The following LARGE1 variants were observed in gnomAD, a reference collection of about 807,000 sequenced individuals.
LARGE1 encodes LARGE xylosyl- and glucuronyltransferase 1, also known as xylosyl- and glucuronyltransferase LARGE1.
In LARGE1, 43 loss-of-function variants were observed where a neutral mutation model predicts 87.6. The ratio of observed to expected loss-of-function variants is 0.49; its 90% confidence interval spans 0.38 to 0.63. The LOEUF (loss-of-function observed/expected upper bound fraction) is 0.63, where lower values mean the gene tolerates loss of function less well. Ranked by LOEUF, LARGE1 falls within the 30% of genes least tolerant of loss-of-function variation. The pLI, the probability that LARGE1 is intolerant of heterozygous loss-of-function variation, is 0.00. For synonymous variants in LARGE1, 434 were observed against 394.6 expected (o/e 1.10, Z -1.18); for missense variants, 802 against 1,000.2 (o/e 0.80, Z 2.67).
At chr22:33,491,581 G>C (rs1450285555) in intron 6 of LARGE1, among the ~76,000 whole-genome samples, 1 of 152,156 alleles carries the variant, frequency 6.6e-6, no homozygotes, top group Non-Finnish European at 1.5e-5. Flanking sequence ...TTAAAATGTT[G>C]GTTGCCTGGA....
At chr22:33,849,498 A>G (rs57204560) in intron 1 of LARGE1, among the ~76,000 whole-genome samples, 1,988 of 152,190 alleles carry the variant, frequency 0.013, 50 homozygotes, top group African/African-American at 0.046. Context: ...TACATTATTA[A>G]CAGGCAGTAC....
rs1928663642 is a variant in LARGE1, at chr22:33,274,055, C to T, written c.*372G>A. The T allele has an allele frequency of 2.5e-6, 1 of 405,498 alleles. No homozygotes were observed. Among genetic ancestry groups the T allele is most frequent in the Non-Finnish European group, 4.5e-6 (1 of 222,908 alleles). The allele number at this position is 405,498 out of a possible 1,614,324, so 25.1% of individuals were successfully genotyped here. On this transcript the variant is annotated 3_prime_UTR_variant, in exon 15 of 15. Transcript: ENST00000397394. ...CCTAGAACCCTGACTTCCCTTTCTC[C>T]CCAGTTATGATGGGAAGCATAATTA...
intron 11 of LARGE1, among the ~76,000 whole-genome samples, chr22:33,250,120 T>C (rs1926945828): frequency 6.6e-6 from 1 of 152,196 alleles, no homozygotes; most frequent in Non-Finnish European, 1.5e-5. Context: ...ACAGATAAAG[T>C]TAGGAAGGTC....
rs551031511 is a variant in LARGE1, at chr22:33,603,057, G to C, written c.615+1378C>G. ...CTAAATTTTGTTTTTCCCTTTTTAAGAGTGTTAATCAATTTTAGGCTCAGA... is the reference window on the plus strand; with the variant it reads ...CTAAATTTTGTTTTTCCCTTTTTAACAGTGTTAATCAATTTTAGGCTCAGA... On this transcript the variant is annotated intron_variant, in intron 5 of 14. Transcript: ENST00000397394. 7.3e-5 allele frequency among the ~76,000 whole-genome samples: 4 copies of C among 54,878 alleles called. No homozygotes were observed. In the South Asian group the frequency reaches 2.7e-3, roughly 38 times the overall value. 36.0% of individuals were successfully genotyped at this position (54,878 alleles called of 152,430 possible). A position where few individuals can be genotyped will look rare whatever the true frequency, so the allele number is the denominator to read the frequency against.
At chr22:33,590,554 G>T (rs553846174) in intron 5 of LARGE1, among the ~76,000 whole-genome samples, 5 of 152,296 alleles carry the variant, frequency 3.3e-5, no homozygotes, top group African/African-American at 1.2e-4. Context: ...GGTGTCCCTT[G>T]CTAGGCAGTC....
At chr22:33,645,351 C>T (rs1446603776) in intron 3 of LARGE1, among the ~76,000 whole-genome samples, 1 of 152,176 alleles carries the variant, frequency 6.6e-6, no homozygotes, top group East Asian at 1.9e-4. Context: ...GAAAGGATTT[C>T]CTATTTAATA....
At chr22:33,171,261 T>A (rs748326434) in intron 11 of LARGE1, among the ~76,000 whole-genome samples, 1 of 152,174 alleles carries the variant, frequency 6.6e-6, no homozygotes, top group Non-Finnish European at 1.5e-5. Flanking sequence ...TTGGAACTTA[T>A]GTTTAAAAGG....
intron 12 of LARGE1, among the ~76,000 whole-genome samples, chr22:33,298,565 G>A (rs1023837905): frequency 1.1e-4 from 17 of 152,220 alleles, no homozygotes; most frequent in Non-Finnish European, 2.4e-4. Context: ...GCTCACGCCT[G>A]TAATCCTAGG....
At chr22:33,102,486 C>T in the LARGE1 span, among the ~76,000 whole-genome samples, 3 of 149,154 alleles carry the variant, frequency 2.0e-5, no homozygotes, top group African/African-American at 7.4e-5. Flanking sequence ...TTCCTTCCTT[C>T]CTTCCTTTTT....
At chr22:33,880,859 A>G (rs1006555455) in intron 1 of LARGE1, among the ~76,000 whole-genome samples, 1 of 152,218 alleles carries the variant, frequency 6.6e-6, no homozygotes, top group Non-Finnish European at 1.5e-5. Flanking sequence ...GTGGACAGCC[A>G]ACCCAGCAGC....
intron 2 of LARGE1, among the ~76,000 whole-genome samples, chr22:33,699,849 T>C (rs2082355164): frequency 6.6e-6 from 1 of 152,188 alleles, no homozygotes; most frequent in African/African-American, 2.4e-5. Flanking sequence ...GGTGAATTTG[T>C]TTGGAAAAAA....
the LARGE1 span, among the ~76,000 whole-genome samples, chr22:33,149,530 T>C: frequency 6.6e-6 from 1 of 152,218 alleles, no homozygotes; most frequent in Non-Finnish European, 1.5e-5. Context: ...TAGATGTGTG[T>C]TTGTTTCCTA....
chr22:33,753,834 C>T (rs918905306), intron 2 of LARGE1, among the ~76,000 whole-genome samples: 6 of 152,012 alleles, frequency 3.9e-5, no homozygotes, highest in Middle Eastern at 3.2e-3. Context: ...CCAAGGTGGG[C>T]GGGTCACCTG....
chr22:33,210,262 T>C (rs1383869894), intron 11 of LARGE1, among the ~76,000 whole-genome samples: 2 of 152,246 alleles, frequency 1.3e-5, no homozygotes, highest in Admixed American at 6.5e-5. Flanking sequence ...CGTGTATCCT[T>C]GTCCTCTTTG....
intron 2 of LARGE1, among the ~76,000 whole-genome samples, chr22:33,719,758 A>C (rs983824180): frequency 1.3e-5 from 2 of 151,948 alleles, no homozygotes; most frequent in African/African-American, 4.8e-5. Flanking sequence ...CTGACCTCAT[A>C]ATCTGCCCGC....
chr22:33,606,062 G>C (rs997350296), intron 4 of LARGE1, among the ~76,000 whole-genome samples: 1 of 152,150 alleles, frequency 6.6e-6, no homozygotes, highest in African/African-American at 2.4e-5. Context: ...GCTTAGTAGG[G>C]CTCCAGGGTT....
intron 1 of LARGE1, among the ~76,000 whole-genome samples, chr22:33,913,084 G>A (rs1041718068): frequency 2.0e-5 from 3 of 151,552 alleles, no homozygotes; most frequent in East Asian, 1.9e-4. Flanking sequence ...CCCCCACCTC[G>A]GCCTCCCAAA....
Position 33,642,710 on chromosome 22 carries a change from C to CAAAAAA in LARGE1, c.408+7651_408+7656dup, listed in dbSNP as rs60815644. Among the ~76,000 whole-genome samples the CAAAAAA allele has an allele frequency of 6.9e-3, 120 of 17,346 alleles. 30 individuals are homozygous for CAAAAAA. Among genetic ancestry groups the CAAAAAA allele is most frequent in the African/African-American group, 0.028 (106 of 3,806 alleles). The allele number at this position is 17,346 out of a possible 152,430, so 11.4% of individuals were successfully genotyped here. On this transcript the variant is annotated intron_variant, in intron 3 of 14. Transcript: ENST00000397394. ...GAATATTTACCAAGCAAATGGAAAG[C>CAAAAAA]AAAAAAAAAAAAAAAAAAAAAAAAA...
rs559675510 is a variant in LARGE1, at chr22:33,751,772, CT to C, written c.106+9598del. Among the ~76,000 whole-genome samples the C allele has an allele frequency of 6.9e-3, 992 of 143,622 alleles. 8 individuals are homozygous for C. Among genetic ancestry groups the C allele is most frequent in the African/African-American group, 0.018 (721 of 39,580 alleles). The allele number at this position is 143,622 out of a possible 152,430, so 94.2% of individuals were successfully genotyped here. On this transcript the variant is annotated intron_variant, in intron 2 of 14. Transcript: ENST00000397394. ...TTCACTATATAAACGTGCCACTATT[CT>C]TTTTTTTTTTTTAAGACAGAGTCTT...
Sources: allele counts gnomAD v4.1 joint callset (sites outside exome capture counted in the v4.1 genomes callset), GRCh38; gene constraint gnomAD v4.1.1; transcripts MANE v1.5; gene names NCBI Gene and HGNC (gene_info 2026-07-23, HGNC 2026-07-21).